TRIM33: variants seen among roughly 807,000 people sequenced by gnomAD.
The protein encoded by TRIM33 is E3 ubiquitin-protein ligase TRIM33.
Under a neutral mutation model 125.4 loss-of-function variants are expected in TRIM33, and 20 were observed. The observed-to-expected ratio is 0.16, with a 90% CI of 0.11 to 0.23. The LOEUF (loss-of-function observed/expected upper bound fraction) is 0.23. Ranked by LOEUF, TRIM33 falls within the 10% of genes least tolerant of loss-of-function variation. The probability of loss-of-function intolerance (pLI) is 1.00; values close to 1 mark genes in which losing one functional copy is unlikely to be tolerated. For synonymous variants in TRIM33, 564 were observed against 513.9 expected (o/e 1.10, Z -1.32); for missense variants, 920 against 1,411.4 (o/e 0.65, Z 5.58).
At chr1:114,455,156 C>G (rs1649548836) in intron 4 of TRIM33, among the ~76,000 whole-genome samples, 1 of 152,150 alleles carries the variant, frequency 6.6e-6, no homozygotes, top group Non-Finnish European at 1.5e-5. Context: ...GACACACCAG[C>G]AGGTTATTCC....
intron 1 of TRIM33, among the ~76,000 whole-genome samples, chr1:114,480,074 C>A (rs116737387): frequency 2.0e-5 from 3 of 152,226 alleles, no homozygotes; most frequent in African/African-American, 7.2e-5. Flanking sequence ...GAAATCAGAT[C>A]GTTGCTGTGT....
At chr1:114,423,053 A>G (rs1647306262) in intron 10 of TRIM33, among the ~76,000 whole-genome samples, 1 of 152,170 alleles carries the variant, frequency 6.6e-6, no homozygotes, top group Non-Finnish European at 1.5e-5. Context: ...AACATACATA[A>G]CCAGAAGCAG....
At position 114,398,063 on chromosome 1, in the gene TRIM33, G is replaced by T. The variant is rs1018727615; in HGVS notation, c.3121-73C>A. 9 of 1,516,496 alleles carry T rather than the reference G, an allele frequency of 5.9e-6. No homozygotes were observed. The Admixed American group carries it at 8.0e-5, about 13-fold the overall frequency. 93.9% of individuals were successfully genotyped at this position (1,516,496 alleles called of 1,614,324 possible). On this transcript the variant is annotated intron_variant, in intron 18 of 19. Coordinates refer to ENST00000358465, the MANE Select transcript of TRIM33 (RefSeq NM_015906.4). Reference sequence around the variant, plus strand: ...TTTCTAAAGTTATGAGACTGCATAGGATTGGCGACGAAAAGTCAGCCATAC... The same window carrying T: ...TTTCTAAAGTTATGAGACTGCATAGTATTGGCGACGAAAAGTCAGCCATAC...
chr1:114,461,049 A>G (rs1476179128), intron 4 of TRIM33, among the ~76,000 whole-genome samples: 1 of 151,654 alleles, frequency 6.6e-6, no homozygotes, highest in African/African-American at 2.4e-5. Flanking sequence ...AGTCAGTCAG[A>G]ATACCAGAGG....
chr1:114,445,235 G>A (rs1358314108), intron 4 of TRIM33, among the ~76,000 whole-genome samples: 1 of 152,074 alleles, frequency 6.6e-6, no homozygotes, highest in African/African-American at 2.4e-5. Context: ...AGGAGACTTG[G>A]GGTGTTTTTT....
At chr1:114,442,709 A>G (rs1271071721) in intron 4 of TRIM33, among the ~76,000 whole-genome samples, 1 of 151,164 alleles carries the variant, frequency 6.6e-6, no homozygotes, top group Non-Finnish European at 1.5e-5. Flanking sequence ...AAAAAAGAAA[A>G]AAAAAGAAAA....
At chr1:114,429,667 G>A (rs901949718) in intron 6 of TRIM33, among the ~76,000 whole-genome samples, 36 of 151,430 alleles carry the variant, frequency 2.4e-4, no homozygotes, top group African/African-American at 8.2e-4. Flanking sequence ...GAGGTTAATG[G>A]AAATAATCAA....
At position 114,418,976 on chromosome 1, in the gene TRIM33, T is replaced by C. The variant is rs572061865; in HGVS notation, c.2061+2460A>G. On this transcript the variant is annotated intron_variant, in intron 11 of 19. Coordinates refer to ENST00000358465, the MANE Select transcript of TRIM33 (RefSeq NM_015906.4). ...GGCTCACACCTGTAATCCTAGTACC[T>C]TGGGAGGCCAAGGCAGAGGTCAGGA... 2.6e-5 allele frequency among the ~76,000 whole-genome samples: 4 copies of C among 151,734 alleles called. No individual in the cohort carries two copies. In the South Asian group the frequency reaches 8.4e-4, roughly 32 times the overall value.
Position 114,397,590 on chromosome 1 carries a change from T to TTTTG in TRIM33, c.*57_*58insCAAA. 1.2e-5 allele frequency: 7 copies of TTTTG among 582,158 alleles called. No individual in the cohort carries two copies. The highest frequency in any genetic ancestry group is 5.1e-5 in the Admixed American group (1 of 19,610). 36.1% of individuals were successfully genotyped at this position (582,158 alleles called of 1,614,324 possible). A position where few individuals can be genotyped will look rare whatever the true frequency, so the allele number is the denominator to read the frequency against. The stretch of plus-strand genomic sequence containing the variant: ...TTAAAAGTTTTCTGGGTTTTTTGTG[T>TTTTG]TTTTTTTTTTTTTTTCGTTTTTTTT... On this transcript the variant is annotated 3_prime_UTR_variant, in exon 20 of 20. Transcript: ENST00000358465.
At chr1:114,468,978 T>C (rs1650477958) in intron 1 of TRIM33, 3 of 226,002 alleles carry the variant, frequency 1.3e-5, no homozygotes, top group Non-Finnish European at 2.7e-5. Flanking sequence ...CAGATATTTG[T>C]AAACTATTAC....
chr1:114,484,553 C>T (rs1429439696), intron 1 of TRIM33, among the ~76,000 whole-genome samples: 1 of 152,016 alleles, frequency 6.6e-6, no homozygotes, highest in Non-Finnish European at 1.5e-5. Context: ...ATGGTGAAAC[C>T]CCATCTCTAT....
At chr1:114,424,086 A>T (rs191482599) in intron 10 of TRIM33, among the ~76,000 whole-genome samples, 186 of 152,320 alleles carry the variant, frequency 1.2e-3, no homozygotes, top group African/African-American at 4.3e-3. Flanking sequence ...ACATGTCTCT[A>T]AACACACTTA....
intron 1 of TRIM33, among the ~76,000 whole-genome samples, chr1:114,464,771 C>T (rs1030625207): frequency 3.3e-5 from 5 of 152,072 alleles, no homozygotes; most frequent in African/African-American, 1.2e-4. Context: ...ATCAAGTGAC[C>T]TTATCAGGGG....
intron 5 of TRIM33, 44 bp from the exon 6 acceptor site, chr1:114,430,956 G>T: frequency 9.2e-7 from 1 of 1,091,816 alleles, no homozygotes; most frequent in Non-Finnish European, 1.4e-6. Flanking sequence ...CTTATCCTAG[G>T]TCTCTGAATC....
chr1:114,459,121 T>G (rs1649795273), intron 4 of TRIM33, among the ~76,000 whole-genome samples: 1 of 152,208 alleles, frequency 6.6e-6, no homozygotes, highest in Non-Finnish European at 1.5e-5. Context: ...AAGTATATTT[T>G]TGTATGTTAA....
At chr1:114,412,114 A>T (rs935145004) in intron 11 of TRIM33, among the ~76,000 whole-genome samples, 8 of 152,238 alleles carry the variant, frequency 5.3e-5, no homozygotes, top group Non-Finnish European at 1.2e-4. Context: ...TTAATCCATC[A>T]CTGGAAAAGA....
At chr1:114,448,830 T>G (rs1305368115) in intron 4 of TRIM33, among the ~76,000 whole-genome samples, 3 of 151,900 alleles carry the variant, frequency 2.0e-5, no homozygotes, top group African/African-American at 7.3e-5. Context: ...CAGAGAGGAA[T>G]GCTTAAAATT....
intron 4 of TRIM33, among the ~76,000 whole-genome samples, chr1:114,452,535 A>G (rs770095157): frequency 2.6e-5 from 4 of 152,078 alleles, no homozygotes; most frequent in Non-Finnish European, 5.9e-5. Flanking sequence ...TTAATTCAAC[A>G]TTTTTTAACC....
chr1:114,414,751 T>A (rs1455248426), intron 11 of TRIM33, among the ~76,000 whole-genome samples: 1 of 152,184 alleles, frequency 6.6e-6, no homozygotes, highest in Non-Finnish European at 1.5e-5. Context: ...TTATCCCTAC[T>A]GTTCCTCAAG....
Sources: allele counts gnomAD v4.1 joint callset (sites outside exome capture counted in the v4.1 genomes callset), GRCh38; gene constraint gnomAD v4.1.1; transcripts MANE v1.5; gene names NCBI Gene and HGNC (gene_info 2026-07-23, HGNC 2026-07-21).